The following ACTN1 variants were observed in gnomAD, a reference collection of about 807,000 sequenced individuals.
ACTN1 encodes the protein actinin alpha 1.
In ACTN1, 30 loss-of-function variants were observed where a neutral mutation model predicts 119.6. The ratio of observed to expected loss-of-function variants is 0.25; its 90% CI spans 0.19 to 0.34. ACTN1 has a LOEUF of 0.34. Among genes scored for constraint, ACTN1 ranks in the 10% least tolerant of loss-of-function variants. The pLI is 1.00. For missense variants in ACTN1, 764 were observed against 1,223.4 expected (o/e 0.62, Z 5.60); for synonymous variants, 429 against 472.6 (o/e 0.91, Z 1.20).
At chr14:68,921,287 T>C (rs1311821568) in intron 2 of ACTN1, 162 bp from the exon 3 acceptor site, 5 of 826,270 alleles carry the variant, frequency 6.1e-6, no homozygotes, top group Non-Finnish European at 8.7e-6. Flanking sequence ...GGCTGGAGAA[T>C]GTCACCCTGG....
intron 6 of ACTN1, among the ~76,000 whole-genome samples, chr14:68,907,668 G>T (rs931267959): frequency 1.3e-5 from 2 of 152,224 alleles, no homozygotes; most frequent in Non-Finnish European, 2.9e-5. Context: ...GAGAGGGATA[G>T]TGCGTGGGAG....
chr14:68,875,074 G>A (rs1211869956), intron 21 of ACTN1, 57 bp from the exon 22 acceptor site: 4 of 1,601,030 alleles, frequency 2.5e-6, no homozygotes, highest in Admixed American at 1.7e-5. Flanking sequence ...AAAGCGGCGC[G>A]GCCCGACACA....
intron 1 of ACTN1, among the ~76,000 whole-genome samples, chr14:68,960,812 T>C (rs149149443): frequency 6.3e-4 from 96 of 151,198 alleles, no homozygotes; most frequent in Non-Finnish European, 1.1e-3. Flanking sequence ...GTGGCTCACA[T>C]TGGTAATCCT....
intron 11 of ACTN1, chr14:68,887,490 A>C (rs1293162448): frequency 2.4e-5 from 28 of 1,159,968 alleles, no homozygotes; most frequent in Non-Finnish European, 3.1e-5. Flanking sequence ...ATAAAAACTA[A>C]CCCCCCCATC....
Position 68,909,204 on chromosome 14 carries a change from G to T in ACTN1, c.594+114C>A. On this transcript the variant is annotated intron_variant, in intron 6 of 21. Transcript: ENST00000394419. The surrounding 1 kb of genome is among the most constrained non-coding windows in gnomAD (Gnocchi z 4.1). ...GGGGCTCTGTCTGGCTATTCTAAGA[G>T]GCCAACACTGCTCAGGCTGGACCAT... is the stretch of plus-strand genomic sequence containing the variant. 9.4e-7 allele frequency: 1 copy of T among 1,059,988 alleles called. No homozygotes were observed. Among genetic ancestry groups the T allele is most frequent in the Non-Finnish European group, 1.4e-6 (1 of 702,470 alleles). The allele number at this position is 1,059,988 out of a possible 1,614,324, so 65.7% of individuals were successfully genotyped here. A position where few individuals can be genotyped will look rare whatever the true frequency, so the allele number is the denominator to read the frequency against.
At chr14:68,958,089 G>C (rs1456650754) in intron 1 of ACTN1, among the ~76,000 whole-genome samples, 1 of 152,192 alleles carries the variant, frequency 6.6e-6, no homozygotes, top group Non-Finnish European at 1.5e-5. Context: ...CGCCTGGCAG[G>C]TGGTAGCTGT....
rs775225106 is a variant in ACTN1 at position 68,878,052 on chromosome 14, C to T, written c.2427+406G>A. The T allele has an allele frequency of 8.1e-5, 15 of 184,740 alleles. No homozygotes were observed. Among genetic ancestry groups the T allele is most frequent in the Middle Eastern group, 2.4e-3 (1 of 412 alleles). 11.4% of individuals were successfully genotyped at this position (184,740 alleles called of 1,614,324 possible). A position where few individuals can be genotyped will look rare whatever the true frequency, so the allele number is the denominator to read the frequency against. On this transcript the variant is annotated intron_variant, in intron 20 of 21. Coordinates refer to ENST00000394419, the MANE Select transcript of ACTN1 (RefSeq NM_001130004.2). This position sits in a 1 kb window ranked among gnomAD's most constrained non-coding sequence, Gnocchi z 4.4. Reference sequence around the variant, plus strand: ...GACGGCCTGGGACAATCCAGAGGGGCGGCAGGCCCAACCAGAGTCACCGCC... The same window carrying T: ...GACGGCCTGGGACAATCCAGAGGGGTGGCAGGCCCAACCAGAGTCACCGCC...
chr14:68,974,445 G>C (rs1169673166), intron 1 of ACTN1, among the ~76,000 whole-genome samples: 1 of 152,110 alleles, frequency 6.6e-6, no homozygotes, highest in African/African-American at 2.4e-5. Context: ...TATAATAGAA[G>C]AATGATAAGG....
intron 1 of ACTN1, among the ~76,000 whole-genome samples, chr14:68,934,576 G>C (rs2035396561): frequency 6.6e-6 from 1 of 152,248 alleles, no homozygotes; most frequent in African/African-American, 2.4e-5. Flanking sequence ...ATGGGCACCA[G>C]CCCTTAGCCC....
intron 3 of ACTN1, among the ~76,000 whole-genome samples, chr14:68,917,808 G>A (rs2034392378): frequency 6.6e-6 from 1 of 152,254 alleles, no homozygotes; most frequent in South Asian, 2.1e-4. Flanking sequence ...GCTTGCGCCT[G>A]TAATCCCAGC....
rs763196036 is a variant in ACTN1 at position 68,884,271 on chromosome 14, T to C, written c.1532A>G (p.Tyr511Cys). ...EKLLETIDQL[Y>C]LEYAKRAAPF... ...TGCAGCCCGCTTGGCATACTCCAAG[T>C]ACAGCTGGTCAATGGTCTCCAGCAG... The change falls in exon 14 of 22, where the codon TAC (tyrosine) becomes TGC (cysteine). Residue 511 changes from tyrosine to cysteine, a missense_variant. This residue lies in a region of ACTN1 where 544 missense variants were observed against 912.0 expected (regional missense o/e 0.60). Transcript: ENST00000394419. The C allele has an allele frequency of 6.8e-6, 11 of 1,614,052 alleles. No homozygotes were observed. Among genetic ancestry groups the C allele is most frequent in the African/African-American group, 5.3e-5 (4 of 74,908 alleles).
intron 1 of ACTN1, among the ~76,000 whole-genome samples, chr14:68,965,982 G>A (rs1006977833): frequency 6.6e-6 from 1 of 152,152 alleles, no homozygotes; most frequent in Non-Finnish European, 1.5e-5. Context: ...ACTTTGGGAG[G>A]CCGAGGCAGG....
intron 21 of ACTN1, 35 bp from the exon 22 acceptor site, chr14:68,875,052 T>C (rs2030724485): frequency 6.2e-7 from 1 of 1,606,586 alleles, no homozygotes; most frequent in Non-Finnish European, 8.5e-7. Flanking sequence ...GGCCGCAAAG[T>C]CCAGCAGCCG....
At chr14:68,967,570 G>A (rs1446237793) in intron 1 of ACTN1, among the ~76,000 whole-genome samples, 2 of 152,190 alleles carry the variant, frequency 1.3e-5, no homozygotes, top group African/African-American at 4.8e-5. Flanking sequence ...CTTTAGAGAG[G>A]AGTTTCACAA....
chr14:68,953,844 C>A (rs901113986), intron 1 of ACTN1, among the ~76,000 whole-genome samples: 1 of 150,946 alleles, frequency 6.6e-6, no homozygotes, highest in Non-Finnish European at 1.5e-5. Context: ...CAAGATCGCG[C>A]CACTGCACTC....
At chr14:68,962,743 C>T (rs1255227756) in intron 1 of ACTN1, among the ~76,000 whole-genome samples, 1 of 152,260 alleles carries the variant, frequency 6.6e-6, no homozygotes, top group Non-Finnish European at 1.5e-5. Flanking sequence ...CAAATGACAG[C>T]CTGGAGCCTG....
intron 1 of ACTN1, among the ~76,000 whole-genome samples, chr14:68,942,037 G>A (rs997815234): frequency 6.6e-6 from 1 of 152,122 alleles, no homozygotes; most frequent in Non-Finnish European, 1.5e-5. Context: ...ACCCAAGCCC[G>A]CAGGATGCCA....
Position 68,899,054 on chromosome 14 carries a change from CCA to C in ACTN1, c.762+3421_762+3422del, listed in dbSNP as rs778196115. ...ACACACACACATGCCACACCTCACA[CCA>C]CACACACCTCACACACCACACACAC... On this transcript the variant is annotated intron_variant, in intron 8 of 21. Coordinates refer to ENST00000394419, the MANE Select transcript of ACTN1 (RefSeq NM_001130004.2). Among the ~76,000 whole-genome samples, 112 of 142,732 alleles carry C rather than the reference CCA, an allele frequency of 7.8e-4. 1 individual carries two copies. Among genetic ancestry groups the C allele is most frequent in the Admixed American group, 4.1e-3 (60 of 14,500 alleles). 93.6% of individuals were successfully genotyped at this position (142,732 alleles called of 152,430 possible).
chr14:68,962,734 A>G (rs937440840), intron 1 of ACTN1, among the ~76,000 whole-genome samples: 1 of 152,228 alleles, frequency 6.6e-6, no homozygotes, highest in Non-Finnish European at 1.5e-5. Context: ...CCCCTCTTTC[A>G]AATGACAGCC....
Sources: gnomAD v4.1 joint callset for allele counts (sites outside exome capture counted in the v4.1 genomes callset) on GRCh38, gnomAD v4.1.1 for gene constraint, gnomAD v4.1.1 regional missense constraint, Gnocchi (gnomAD v3.1) non-coding constraint, MANE v1.5 for transcripts, NCBI Gene and HGNC (gene_info 2026-07-23, HGNC 2026-07-21) for gene names.